BFAR: variants seen among roughly 807,000 people sequenced by gnomAD.
BFAR encodes RING finger protein 47.
BFAR carries 52 observed loss-of-function variants against 54.4 expected under a neutral mutation model. That is an observed-to-expected ratio of 0.96 (90% CI 0.77 to 1.21). The LOEUF is 1.21. Ranked by LOEUF, BFAR falls within the 50% of genes most tolerant of loss-of-function variation. The pLI, the probability that BFAR is intolerant of heterozygous loss-of-function variation, is 0.00. For synonymous variants in BFAR, 215 were observed against 204.3 expected (o/e 1.05, Z -0.45); for missense variants, 571 against 534.0 (o/e 1.07, Z -0.68).
At chr16:14,645,463 G>C (rs1959765132) in intron 2 of BFAR, among the ~76,000 whole-genome samples, 1 of 152,152 alleles carries the variant, frequency 6.6e-6, no homozygotes, top group South Asian at 2.1e-4. Context: ...CAGTGCCAAA[G>C]CCACCTTTCA....
intron 2 of BFAR, among the ~76,000 whole-genome samples, chr16:14,647,902 A>G (rs1039760828): frequency 1.3e-5 from 2 of 152,128 alleles, no homozygotes; most frequent in African/African-American, 4.8e-5. Context: ...TAGTAAATGT[A>G]TATCATCAGG....
chr16:14,663,919 C>T (rs1960362869), intron 6 of BFAR, among the ~76,000 whole-genome samples: 1 of 151,510 alleles, frequency 6.6e-6, no homozygotes, highest in South Asian at 2.1e-4. Flanking sequence ...CATTTCATTT[C>T]AACCTTTTTG....
chr16:14,665,215 A>G (rs1960410160), intron 7 of BFAR, 144 bp downstream of exon 7: 5 of 773,536 alleles, frequency 6.5e-6, no homozygotes, highest in Non-Finnish European at 1.0e-5. Flanking sequence ...ACCTAGCTTA[A>G]GCAGTGAATA....
At chr16:14,641,894 C>A (rs1311170251) in intron 1 of BFAR, among the ~76,000 whole-genome samples, 1 of 152,190 alleles carries the variant, frequency 6.6e-6, no homozygotes, top group Non-Finnish European at 1.5e-5. Context: ...TGAATTGTTA[C>A]CATTTATGGT....
chr16:14,644,536 T>C lies in BFAR; in HGVS notation c.190T>C (p.Ser64Pro). 6.2e-7 allele frequency: 1 copy of C among 1,614,086 alleles called. No individual in the cohort carries two copies. The highest frequency in any genetic ancestry group is 1.3e-5 in the African/African-American group (1 of 75,016). ...TCACTGCCTTGCTTTATGGTGGGCA[T>C]CTTCAAAGAAAACAGAATGTCCAGA... ...CRHCLALWWASSKKTECPECR... is the reference protein window; with the variant it reads ...CRHCLALWWAPSKKTECPECR... Residue 64 changes from serine (S) to proline (P), a missense_variant, in exon 2 of 8, where the codon TCT becomes CCT. Ser to Pro is a moderately conservative substitution (Grantham distance 74). Transcript: ENST00000261658.
chr16:14,662,157 T>C, intron 6 of BFAR, 92 bp downstream of exon 6: 1 of 1,450,328 alleles, frequency 6.9e-7, no homozygotes, highest in South Asian at 1.2e-5. Flanking sequence ...TTTCTTCAGT[T>C]TGACCCATGA....
At chr16:14,663,854 A>G (rs1033818037) in intron 6 of BFAR, among the ~76,000 whole-genome samples, 1 of 152,086 alleles carries the variant, frequency 6.6e-6, no homozygotes, top group Non-Finnish European at 1.5e-5. Flanking sequence ...ATTTATTTCA[A>G]TGTATTCATA....
chr16:14,646,211 G>A (rs1959790239), intron 2 of BFAR, among the ~76,000 whole-genome samples: 1 of 152,044 alleles, frequency 6.6e-6, no homozygotes, highest in Admixed American at 6.6e-5. Context: ...CTGCCACCAC[G>A]CCCGGCTAAT....
intron 1 of BFAR, chr16:14,633,525 T>G (rs994166987): frequency 1.3e-5 from 2 of 152,238 alleles, no homozygotes; most frequent in African/African-American, 4.8e-5. Context: ...GCCCATTCTT[T>G]AAAGTAGGGT....
At chr16:14,649,649 G>A (rs542933792) in intron 3 of BFAR, among the ~76,000 whole-genome samples, 155 bp from the exon 4 acceptor site, 48 of 152,176 alleles carry the variant, frequency 3.2e-4, no homozygotes, top group African/African-American at 1.1e-3. Flanking sequence ...CTGTGGCCGT[G>A]GCGTTGCCCT....
At chr16:14,646,679 G>A (rs942182440) in intron 2 of BFAR, among the ~76,000 whole-genome samples, 1 of 150,454 alleles carries the variant, frequency 6.6e-6, no homozygotes, top group Non-Finnish European at 1.5e-5. Context: ...TGTATTTTTC[G>A]TAGAGACAGA....
intron 1 of BFAR, among the ~76,000 whole-genome samples, chr16:14,642,536 ATTT>A (rs1959660813): frequency 6.6e-6 from 1 of 152,172 alleles, no homozygotes; most frequent in African/African-American, 2.4e-5. Context: ...ACCTTTTGTC[ATTT>A]GCTTATTAGT....
chr16:14,661,895 G>C lies in BFAR; in HGVS notation c.787G>C (p.Val263Leu), dbSNP rs1313553582. Reference protein sequence around the residue: ...PPQNLWEYKAVNPGRSLFLLY... With the variant: ...PPQNLWEYKALNPGRSLFLLY... ...CCTGTACTCTTCTCCTCTGCAGGCT[G>C]TGAACCCAGGCAGGTCCCTGTTCCT... The change falls in exon 6 of 8, where the codon GTG becomes CTG. Residue 263 changes from valine to leucine, a missense_variant. By Grantham distance (32) the Val-to-Leu change is conservative (BLOSUM62 1). Coordinates refer to ENST00000261658, the MANE Select transcript of BFAR (RefSeq NM_016561.3). 1.2e-6 allele frequency: 2 copies of C among 1,614,130 alleles called. No individual in the cohort carries two copies. Among genetic ancestry groups the C allele is most frequent in the Non-Finnish European group, 8.5e-7 (1 of 1,180,008 alleles).
chr16:14,655,320 T>C lies in BFAR; in HGVS notation c.783+110T>C, dbSNP rs539488664. 1.2e-4 allele frequency: 113 copies of C among 920,332 alleles called. No homozygotes were observed. The African/African-American group carries it at 1.8e-3, about 14-fold the overall frequency. The allele number at this position is 920,332 out of a possible 1,614,324, so 57.0% of individuals were successfully genotyped here. ...TATTTTTGACAGTTTATGTACTTAT[T>C]TATTTATTTATTTTATTTTGAGACA... is the stretch of plus-strand genomic sequence containing the variant. On this transcript the variant is annotated intron_variant, in intron 5 of 7. Transcript: ENST00000261658.
At chr16:14,633,456 A>T (rs535470370) in intron 1 of BFAR, 1 of 152,400 alleles carries the variant, frequency 6.6e-6, no homozygotes, top group Admixed American at 6.5e-5. Flanking sequence ...GATAGTCGCC[A>T]CGCTGAGTTT....
intron 1 of BFAR, among the ~76,000 whole-genome samples, chr16:14,634,507 G>A (rs1959372066): frequency 6.6e-6 from 1 of 152,188 alleles, no homozygotes; most frequent in East Asian, 1.9e-4. Flanking sequence ...AGCAAACTTT[G>A]AGTACCTGTA....
intron 4 of BFAR, among the ~76,000 whole-genome samples, chr16:14,651,972 C>T (rs1403797691): frequency 6.7e-6 from 1 of 150,354 alleles, no homozygotes; most frequent in Non-Finnish European, 1.5e-5. Flanking sequence ...CTGCAACCTC[C>T]GCCTCCTGGG....
At chr16:14,644,225 T>C in intron 1 of BFAR, 49 bp from the exon 2 acceptor site, 2 of 1,053,880 alleles carry the variant, frequency 1.9e-6, no homozygotes, top group South Asian at 3.1e-5. Flanking sequence ...TAACTGCTCT[T>C]CAAACAACTA....
At chr16:14,635,912 G>A (rs1185793501) in intron 1 of BFAR, among the ~76,000 whole-genome samples, 1 of 152,172 alleles carries the variant, frequency 6.6e-6, no homozygotes, top group African/African-American at 2.4e-5. Flanking sequence ...TTACAGGCAT[G>A]AGCCACTGCC....
Sources: allele counts gnomAD v4.1 joint callset (sites outside exome capture counted in the v4.1 genomes callset), GRCh38; gene constraint gnomAD v4.1.1; transcripts MANE v1.5; gene names NCBI Gene and HGNC (gene_info 2026-07-23, HGNC 2026-07-21).